The following NUP188 variants were observed in gnomAD, a reference collection of about 807,000 sequenced individuals.
NUP188 encodes the protein nucleoporin NUP188.
In NUP188, 97 loss-of-function variants were observed where a neutral mutation model predicts 223.0. That is an observed-to-expected ratio of 0.43 (90% CI 0.37 to 0.51). The LOEUF (loss-of-function observed/expected upper bound fraction) is 0.51. Ranked by LOEUF, NUP188 falls within the 20% of genes least tolerant of loss-of-function variation. The pLI, the probability that NUP188 is intolerant of heterozygous loss-of-function variation, is 0.00. For missense variants in NUP188, 1,947 were observed against 2,175.6 expected, an observed-to-expected ratio of 0.89 and a Z score of 2.09; for synonymous variants, 869 against 828.0, an observed-to-expected ratio of 1.05 and a Z score of -0.85.
chr9:128,993,749 T>TA (rs1842470583), intron 27 of NUP188, 55 bp downstream of exon 27: 1 of 1,492,670 alleles, frequency 6.7e-7, no homozygotes, highest in South Asian at 1.2e-5. Context: ...ATGGGAGTAA[T>TA]AATAGCTCTT....
chr9:128,956,460 A>G (rs1283127967), intron 4 of NUP188, 26 bp downstream of exon 4: 13 of 1,264,966 alleles, frequency 1.0e-5, no homozygotes, highest in Middle Eastern at 1.9e-4. Context: ...CACTCGCTCA[A>G]TTTATTACTT....
At chr9:128,972,619 G>T (rs1842118989) in intron 11 of NUP188, among the ~76,000 whole-genome samples, 1 of 152,188 alleles carries the variant, frequency 6.6e-6, no homozygotes, top group Admixed American at 6.5e-5. Flanking sequence ...TAATAATAAT[G>T]CCAATTGAAG....
chr9:129,005,806 T>C (rs768573950), intron 41 of NUP188, 30 bp downstream of exon 41: 1 of 1,554,446 alleles, frequency 6.4e-7, no homozygotes, highest in Non-Finnish European at 8.7e-7. Context: ...CACTGTCCTC[T>C]CCCCCCGGCT....
chr9:128,968,675 AC>A lies in NUP188; in HGVS notation c.757del (p.Leu253TrpfsTer10), dbSNP rs1323410382. 1 of 1,614,164 alleles carries A rather than the reference AC, an allele frequency of 6.2e-7. No individual in the cohort carries two copies. The highest frequency in any genetic ancestry group is 8.5e-7 in the Non-Finnish European group (1 of 1,180,006). On this transcript the variant is annotated frameshift_variant, in exon 9 of 44. Transcript: ENST00000372577. LOFTEE classifies it high-confidence loss of function. ...TTTGGTAGTAGGCAGACCAATAGGC[AC>A]CTGGTGGATGAGACTATGGATCCTT... ...QGFGSRQTNRHLVDETMDPFV... is the reference protein window; with the variant it reads ...QGFGSRQTNRXLVDETMDPFV...
At position 128,972,521 on chromosome 9, in the gene NUP188, A is replaced by G. The variant is rs76601601; in HGVS notation, c.1114-639A>G. The stretch of plus-strand genomic sequence containing the variant: ...TGAAGCTATTCCATGTGATACTACA[A>G]TGGTGGATACATGTCATACTTGTCC... On this transcript the variant is annotated intron_variant, in intron 11 of 43. Transcript: ENST00000372577. Among the ~76,000 whole-genome samples, 624 of 152,334 alleles carry G rather than the reference A, an allele frequency of 4.1e-3. 2 individuals are homozygous for G. The highest frequency in any genetic ancestry group is 8.6e-3 in the Admixed American group (131 of 15,296).
intron 1 of NUP188, 43 bp downstream of exon 1, chr9:128,947,794 G>C (rs1177683218): frequency 7.3e-7 from 1 of 1,363,022 alleles, no homozygotes; most frequent in African/African-American, 1.5e-5. Flanking sequence ...GTGAAGCGCG[G>C]TGTCAAAGCC....
chr9:129,005,337 C>T lies in NUP188; in HGVS notation c.4544C>T (p.Ala1515Val), dbSNP rs760395975. 1 of 1,613,992 alleles carries T rather than the reference C, an allele frequency of 6.2e-7. No homozygotes were observed. Among genetic ancestry groups the T allele is most frequent in the Admixed American group, 1.7e-5 (1 of 60,010 alleles). Residue 1515 changes from alanine (A) to valine (V), a missense_variant, in exon 40 of 44, where the codon GCC becomes GTC. Ala to Val is a moderately conservative substitution (Grantham distance 64). Coordinates refer to ENST00000372577, the MANE Select transcript of NUP188 (RefSeq NM_015354.3). ...GGGGATGGCCTCCCCTCAGCTGTTG[C>T]CCAGCGAGTCCAGAGGCCACCGTCT... ...KNGDGLPSAV[A>V]QRVQRPPSAA... is the part of the protein sequence containing the mutation.
At chr9:128,950,401 A>G (rs1841765791) in intron 2 of NUP188, among the ~76,000 whole-genome samples, 2 of 151,966 alleles carry the variant, frequency 1.3e-5, no homozygotes, top group African/African-American at 2.4e-5. Flanking sequence ...TTGTATTTTT[A>G]GTAGAGATGG....
intron 11 of NUP188, among the ~76,000 whole-genome samples, chr9:128,972,750 A>G (rs1842120335): frequency 6.6e-6 from 1 of 152,180 alleles, no homozygotes; most frequent in Non-Finnish European, 1.5e-5. Context: ...AAACTGCTCT[A>G]CAAAACAAAG....
intron 1 of NUP188, chr9:128,947,956 G>T (rs1181825860): frequency 9.8e-6 from 4 of 406,536 alleles, no homozygotes; most frequent in African/African-American, 8.3e-5. Flanking sequence ...GAGGGGGGCC[G>T]GCTCTTCACC....
intron 6 of NUP188, among the ~76,000 whole-genome samples, chr9:128,958,444 A>C (rs1479708091): frequency 6.6e-6 from 1 of 152,200 alleles, no homozygotes; most frequent in Non-Finnish European, 1.5e-5. Context: ...AGTGAGAATA[A>C]GTACATTAGT....
At chr9:128,990,824 C>T (rs1429180056) in intron 25 of NUP188, among the ~76,000 whole-genome samples, 2 of 152,218 alleles carry the variant, frequency 1.3e-5, no homozygotes, top group Non-Finnish European at 2.9e-5. Context: ...GAGATCGCGC[C>T]ACTGCACTCC....
In NUP188 at chr9:128,970,925, A is replaced by G; in HGVS notation, c.1080A>G (p.Arg360=). 6.2e-7 allele frequency: 1 copy of G among 1,613,942 alleles called. No individual in the cohort carries two copies. Among genetic ancestry groups the G allele is most frequent in the Non-Finnish European group, 8.5e-7 (1 of 1,179,962 alleles). The change falls in exon 11 of 44, where the codon CGA becomes CGG. Residue 360 remains arginine (R), a synonymous_variant. Coordinates refer to ENST00000372577, the MANE Select transcript of NUP188 (RefSeq NM_015354.3). ...TGAATGTGTTTCAGTACTTGACCCG[A>G]TTGCTCCAGTCCCTTGCCAGTGGGG... ...IQLNVFQYLT[R]LLQSLASGGN...
Position 128,995,313 on chromosome 9 carries a change from CTG to C in NUP188, c.3156-4_3156-3del. On this transcript the variant is annotated splice_polypyrimidine_tract_variant and splice_region_variant and intron_variant, in intron 29 of 43. Transcript: ENST00000372577. ...TCTAACTGGAGGTTTTTTCTTGACA[CTG>C]TAGGGGTTCATTAGACCAGTCATTA... 3.7e-6 allele frequency: 6 copies of C among 1,610,410 alleles called. No homozygotes were observed. Among genetic ancestry groups the C allele is most frequent in the Non-Finnish European group, 5.1e-6 (6 of 1,176,764 alleles).
At chr9:129,003,090 C>T (rs1842703517) in intron 37 of NUP188, 115 bp downstream of exon 37, 3 of 1,252,788 alleles carry the variant, frequency 2.4e-6, no homozygotes, top group Admixed American at 2.5e-5. Context: ...GTTGTCGATG[C>T]CTTCATTTTT....
Position 128,992,956 on chromosome 9 carries a change from G to C in NUP188, c.2641-241G>C, listed in dbSNP as rs1357386153. ...AAGCAAAAAAATGTTTCACTTTTCA[G>C]TTTGTATTTATTTAACCATGAGGGA... On this transcript the variant is annotated intron_variant, in intron 25 of 43. Transcript: ENST00000372577. 5 of 515,276 alleles carry C rather than the reference G, an allele frequency of 9.7e-6. No individual in the cohort carries two copies. In the Admixed American group the frequency reaches 1.6e-4, roughly 17 times the overall value. 31.9% of individuals were successfully genotyped at this position (515,276 alleles called of 1,614,324 possible). A position where few individuals can be genotyped will look rare whatever the true frequency, so the allele number is the denominator to read the frequency against.
rs17452400 is a variant in NUP188 at position 128,963,840 on chromosome 9, G to A, written c.586-4666G>A. On this transcript the variant is annotated intron_variant, in intron 8 of 43. Transcript: ENST00000372577. ...TTTTTTTTTTTTTTATTTTTGAGAC[G>A]GAGTCTCACACTGTCGCCCAGGGTG... Among the ~76,000 whole-genome samples, 27 of 150,330 alleles carry A rather than the reference G, an allele frequency of 1.8e-4. No individual in the cohort carries two copies. The East Asian group carries it at 3.5e-3, about 20-fold the overall frequency.
intron 38 of NUP188, chr9:129,003,817 A>C: frequency 3.1e-6 from 1 of 320,874 alleles, no homozygotes; most frequent in South Asian, 2.6e-5. Context: ...TACTAAAAAT[A>C]CAAAAATTAG....
rs1338107049 is a variant in NUP188 at position 128,980,551 on chromosome 9, A to C, written c.1270-55A>C. 2.6e-6 allele frequency: 4 copies of C among 1,550,268 alleles called. No homozygotes were observed. The East Asian group carries it at 7.0e-5, about 27-fold the overall frequency. ...CTCATGATTGCTGGGAAATTTGGAG[A>C]GATGTTAATTTGTGGATAATGTGAA... is the stretch of plus-strand genomic sequence containing the variant. On this transcript the variant is annotated intron_variant, in intron 13 of 43. Coordinates refer to ENST00000372577, the MANE Select transcript of NUP188 (RefSeq NM_015354.3).
Sources: gnomAD v4.1 joint callset for allele counts (sites outside exome capture counted in the v4.1 genomes callset) on GRCh38, gnomAD v4.1.1 for gene constraint, MANE v1.5 for transcripts, NCBI Gene and HGNC (gene_info 2026-07-23, HGNC 2026-07-21) for gene names.